Variants in NIN observed in about 807,000 individuals in gnomAD.
NIN encodes the protein glycogen synthase kinase 3 beta-interacting protein.
NIN carries 137 observed loss-of-function variants against 257.6 expected under a neutral mutation model. The observed-to-expected ratio is 0.53, with a 90% CI of 0.46 to 0.61. NIN has a LOEUF of 0.61. Among genes scored for constraint, NIN ranks in the 20% least tolerant of loss-of-function variants. The probability of loss-of-function intolerance (pLI) is 0.00; values close to 1 mark genes in which losing one functional copy is unlikely to be tolerated. For synonymous variants in NIN, 918 were observed against 919.8 expected, an observed-to-expected ratio of 1.00 and a Z score of 0.04; for missense variants, 2,439 against 2,501.2, an observed-to-expected ratio of 0.98 and a Z score of 0.53.
chr14:50,776,894 G>A (rs1456966872), intron 7 of NIN, 55 bp downstream of exon 7: 33 of 1,481,242 alleles, frequency 2.2e-5, no homozygotes, highest in Non-Finnish European at 2.8e-5. Flanking sequence ...CCTAGCATGT[G>A]GTCAACTACA....
chr14:50,754,960 C>A, intron 18 of NIN, 93 bp from the exon 19 acceptor site: 1 of 788,482 alleles, frequency 1.3e-6, no homozygotes, highest in Non-Finnish European at 2.0e-6. Flanking sequence ...GATGAGTATT[C>A]AATGCCAGTT....
At position 50,741,708 on chromosome 14, in the gene NIN, G is replaced by A. The variant is rs376716227; in HGVS notation, c.5322C>T (p.Thr1774=). Residue 1774 remains threonine, a synonymous_variant, in exon 25 of 31, where the codon ACC becomes ACT. Coordinates refer to ENST00000530997, the MANE Select transcript of NIN (RefSeq NM_020921.4). ...SQEKVQNLED[T]VQNVNLQMSR... is the part of the protein sequence containing the mutation. ...ACATTTGCAGGTTTACATTCTGCAC[G>A]GTGTCTTCTAAATTCTGAACCTGTA... 3.3e-5 allele frequency: 54 copies of A among 1,613,432 alleles called. 2 individuals carry two copies. In the South Asian group the frequency reaches 5.1e-4, roughly 15 times the overall value.
chr14:50,749,764 A>C (rs1595762470), intron 21 of NIN, among the ~76,000 whole-genome samples: 1 of 152,114 alleles, frequency 6.6e-6, no homozygotes, highest in Non-Finnish European at 1.5e-5. Context: ...ATCTTGGCTC[A>C]CTGCAGCCTC....
At chr14:50,748,956 A>C (rs189333786) in intron 21 of NIN, among the ~76,000 whole-genome samples, 62 of 152,294 alleles carry the variant, frequency 4.1e-4, no homozygotes, top group Non-Finnish European at 7.6e-4. Flanking sequence ...ATTAGAAAAA[A>C]CTACTTTAAA....
intron 15 of NIN, 78 bp downstream of exon 15, chr14:50,763,731 TTTTCAAGTTGCCAAAGC>T: frequency 1.8e-6 from 2 of 1,134,504 alleles, no homozygotes; most frequent in Non-Finnish European, 1.2e-6. Context: ...TTTTTTTCTT[TTTTCAAGTTGCCAAAGC>T]TTTGCAATTT....
At chr14:50,776,927 T>G in intron 7 of NIN, 22 bp downstream of exon 7, 2 of 1,594,614 alleles carry the variant, frequency 1.3e-6, no homozygotes. Flanking sequence ...TTATCATTCC[T>G]GAATTATACT....
chr14:50,739,043 T>C (rs1379259333), intron 26 of NIN, among the ~76,000 whole-genome samples: 1 of 152,230 alleles, frequency 6.6e-6, no homozygotes, highest in Non-Finnish European at 1.5e-5. Context: ...ATGGTTCACA[T>C]AATTTCCATG....
At chr14:50,767,243 A>AT (rs1253060290) in intron 12 of NIN, among the ~76,000 whole-genome samples, 1 of 152,218 alleles carries the variant, frequency 6.6e-6, no homozygotes, top group Non-Finnish European at 1.5e-5. Context: ...GCTCAGTAAT[A>AT]TTTTTTGTAT....
intron 3 of NIN, among the ~76,000 whole-genome samples, chr14:50,812,714 T>C (rs1341108496): frequency 6.6e-6 from 1 of 152,226 alleles, no homozygotes; most frequent in East Asian, 1.9e-4. Flanking sequence ...TTGAATTCTC[T>C]CAAATCTTCA....
intron 3 of NIN, among the ~76,000 whole-genome samples, chr14:50,811,339 C>T (rs56307313): frequency 6.6e-6 from 1 of 151,632 alleles, no homozygotes; most frequent in African/African-American, 2.4e-5. Flanking sequence ...AAACTCCTGA[C>T]CTCAGGTGAG....
intron 3 of NIN, among the ~76,000 whole-genome samples, chr14:50,812,000 G>A (rs565279565): frequency 1.3e-5 from 2 of 151,868 alleles, no homozygotes; most frequent in East Asian, 1.9e-4. Context: ...AGTGCCTGTA[G>A]TCCCAGCTAC....
chr14:50,800,738 G>T (rs2044060917), intron 4 of NIN, among the ~76,000 whole-genome samples: 1 of 151,146 alleles, frequency 6.6e-6, no homozygotes, highest in Admixed American at 6.6e-5. Context: ...TTTTGTTGTT[G>T]TAGTTGGCAC....
chr14:50,726,688 TCTC>T (rs1566771841), intron 29 of NIN, among the ~76,000 whole-genome samples: 1 of 152,084 alleles, frequency 6.6e-6, no homozygotes, highest in East Asian at 1.9e-4. Context: ...AAATGAAAAA[TCTC>T]CTGTTCTCAC....
At chr14:50,734,824 G>A (rs142813253) in intron 28 of NIN, among the ~76,000 whole-genome samples, 32 of 151,538 alleles carry the variant, frequency 2.1e-4, no homozygotes, top group African/African-American at 7.3e-4. Context: ...CTACAGGTAC[G>A]TGCCACCACA....
At position 50,818,928 on chromosome 14, in the gene NIN, G is replaced by A. The variant is rs768965525; in HGVS notation, c.183+2946C>T. The stretch of plus-strand genomic sequence containing the variant: ...AAAAAAAACAAGTTATTGAAGATGC[G>A]TTGTAATATTTAAAAATAAATACAC... On this transcript the variant is annotated intron_variant, in intron 3 of 30. Transcript: ENST00000530997. 5.3e-5 allele frequency among the ~76,000 whole-genome samples: 8 copies of A among 151,276 alleles called. No individual in the cohort carries two copies. The East Asian group carries it at 5.8e-4, about 11-fold the overall frequency.
At position 50,722,349 on chromosome 14, in the gene NIN, T is replaced by C; in HGVS notation, c.*1114A>G. 4.7e-6 allele frequency: 1 copy of C among 214,670 alleles called. No individual in the cohort carries two copies. Among genetic ancestry groups the C allele is most frequent in the Non-Finnish European group, 9.4e-6 (1 of 106,150 alleles). The allele number at this position is 214,670 out of a possible 1,614,324, so 13.3% of individuals were successfully genotyped here. A position where few individuals can be genotyped will look rare whatever the true frequency, so the allele number is the denominator to read the frequency against. On this transcript the variant is annotated 3_prime_UTR_variant, in exon 31 of 31. Coordinates refer to ENST00000530997, the MANE Select transcript of NIN (RefSeq NM_020921.4). ...AAGAAACACAGAAAATTTTGACCTA[T>C]ATTAAATAAACTCTTCTATAAGTCA...
intron 5 of NIN, among the ~76,000 whole-genome samples, chr14:50,783,334 G>C (rs1049252906): frequency 6.6e-6 from 1 of 151,970 alleles, no homozygotes; most frequent in African/African-American, 2.4e-5. Flanking sequence ...GGGATTACAA[G>C]TGTTAGCCAC....
intron 2 of NIN, among the ~76,000 whole-genome samples, chr14:50,826,099 G>A (rs1363327381): frequency 1.3e-5 from 2 of 152,194 alleles, no homozygotes; most frequent in Admixed American, 6.5e-5. Context: ...TGTATAATCT[G>A]TGCAATCCAG....
chr14:50,817,741 G>T (rs150626857), intron 3 of NIN, among the ~76,000 whole-genome samples: 34 of 152,212 alleles, frequency 2.2e-4, no homozygotes, highest in African/African-American at 8.2e-4. Flanking sequence ...TTTTGAAACG[G>T]AATCTCGCTC....
Sources: allele counts gnomAD v4.1 joint callset (sites outside exome capture counted in the v4.1 genomes callset), GRCh38; gene constraint gnomAD v4.1.1; transcripts MANE v1.5; gene names NCBI Gene and HGNC (gene_info 2026-07-23, HGNC 2026-07-21).